The following BICC1 variants were observed in gnomAD, a reference collection of about 807,000 sequenced individuals.
The protein encoded by BICC1 is BicC family RNA binding protein 1.
In BICC1, 43 loss-of-function variants were observed where a neutral mutation model predicts 111.0. The observed-to-expected ratio is 0.39, with a 90% CI of 0.30 to 0.50. The LOEUF (loss-of-function observed/expected upper bound fraction) is 0.50, where lower values mean the gene tolerates loss of function less well. Ranked by LOEUF, BICC1 falls within the 20% of genes least tolerant of loss-of-function variation. The pLI is 0.88. For synonymous variants in BICC1, 467 were observed against 434.4 expected (o/e 1.07, Z -0.93); for missense variants, 1,091 against 1,203.2 (o/e 0.91, Z 1.38).
chr10:58,727,084 A>G (rs533721027), intron 3 of BICC1, among the ~76,000 whole-genome samples: 1 of 152,294 alleles, frequency 6.6e-6, no homozygotes, highest in South Asian at 2.1e-4. Flanking sequence ...TGTCTCACTA[A>G]TGTTAACATT....
Position 58,764,002 on chromosome 10 carries a change from G to A in BICC1, c.308-20999G>A, listed in dbSNP as rs537187730. Among the ~76,000 whole-genome samples the A allele has an allele frequency of 3.3e-5, 5 of 152,268 alleles. No homozygotes were observed. The South Asian group carries it at 8.3e-4, about 25-fold the overall frequency. On this transcript the variant is annotated intron_variant, in intron 3 of 20. Transcript: ENST00000373886. ...AATGAAGACTCACAGGCATGGAATTGCTATACATTTAGTGGTGTTTGGGGG... is the reference window on the plus strand; with the variant it reads ...AATGAAGACTCACAGGCATGGAATTACTATACATTTAGTGGTGTTTGGGGG...
intron 1 of BICC1, among the ~76,000 whole-genome samples, chr10:58,518,602 G>GGT (rs796241610): frequency 9.6e-6 from 1 of 104,152 alleles, no homozygotes; most frequent in African/African-American, 3.7e-5. Flanking sequence ...GGGGGGGGGG[G>GGT]GTGTGTTTGA....
intron 3 of BICC1, among the ~76,000 whole-genome samples, chr10:58,745,608 C>CT (rs1207998723): frequency 7.8e-6 from 1 of 128,750 alleles, no homozygotes; most frequent in East Asian, 2.8e-4. Context: ...CACCGCCCCC[C>CT]CCCCACATTT....
At chr10:58,601,801 C>T (rs1845048951) in intron 1 of BICC1, among the ~76,000 whole-genome samples, 1 of 151,778 alleles carries the variant, frequency 6.6e-6, no homozygotes, top group Admixed American at 6.6e-5. Flanking sequence ...TTTAAGTTAC[C>T]TGGGAAAATA....
chr10:58,675,356 G>A (rs1031732126), intron 2 of BICC1, among the ~76,000 whole-genome samples: 4 of 152,014 alleles, frequency 2.6e-5, no homozygotes, highest in African/African-American at 9.7e-5. Context: ...AGTGGGTTTT[G>A]GAATAGTTAA....
Position 58,831,128 on chromosome 10 carries a change from T to C in BICC1, c.*2237T>C, listed in dbSNP as rs1237684578. ...AAATAAAAACACTGGAAATTCTTTC[T>C]CTCACTTTCTCTTGATGCAATGAAG... On this transcript the variant is annotated 3_prime_UTR_variant, in exon 21 of 21. Coordinates refer to ENST00000373886, the MANE Select transcript of BICC1 (RefSeq NM_001080512.3). 6.6e-6 allele frequency: 1 copy of C among 152,218 alleles called. No homozygotes were observed. Among genetic ancestry groups the C allele is most frequent in the Non-Finnish European group, 1.5e-5 (1 of 68,028 alleles). 9.4% of individuals were successfully genotyped at this position (152,218 alleles called of 1,614,324 possible). A position where few individuals can be genotyped will look rare whatever the true frequency, so the allele number is the denominator to read the frequency against.
At chr10:58,693,189 C>T (rs1361741355) in intron 2 of BICC1, among the ~76,000 whole-genome samples, 4 of 152,164 alleles carry the variant, frequency 2.6e-5, no homozygotes, top group African/African-American at 7.2e-5. Context: ...AGGACGTGAA[C>T]TCATCATTTT....
intron 1 of BICC1, among the ~76,000 whole-genome samples, chr10:58,611,115 G>T (rs1845404047): frequency 6.6e-6 from 1 of 152,170 alleles, no homozygotes; most frequent in Admixed American, 6.6e-5. Flanking sequence ...CTTATACACT[G>T]TGGGCTGAAA....
chr10:58,828,413 A>T (rs760619635), intron 20 of BICC1, among the ~76,000 whole-genome samples: 33 of 152,194 alleles, frequency 2.2e-4, no homozygotes, highest in African/African-American at 7.7e-4. Context: ...TGACCTTTGG[A>T]GTAGGTCAAA....
intron 2 of BICC1, among the ~76,000 whole-genome samples, chr10:58,695,884 A>G (rs1001294614): frequency 6.6e-5 from 10 of 152,188 alleles, no homozygotes; most frequent in African/African-American, 2.2e-4. Flanking sequence ...TATTTTTATC[A>G]TGGATGAAAC....
rs561800448 is a variant in BICC1, at chr10:58,715,990, A to G, written c.307+13847A>G. On this transcript the variant is annotated intron_variant, in intron 3 of 20. Coordinates refer to ENST00000373886, the MANE Select transcript of BICC1 (RefSeq NM_001080512.3). Reference sequence around the variant, plus strand: ...TTCACATAAATCTTCTGAAAGCTCCATGTCAGAAACTGAATCAGACAGTAA... The same window carrying G: ...TTCACATAAATCTTCTGAAAGCTCCGTGTCAGAAACTGAATCAGACAGTAA... 96 of 1,402,254 alleles carry G rather than the reference A, an allele frequency of 6.8e-5. No homozygotes were observed. In the Admixed American group the frequency reaches 1.5e-3, roughly 21 times the overall value. The allele number at this position is 1,402,254 out of a possible 1,614,324, so 86.9% of individuals were successfully genotyped here. A position where few individuals can be genotyped will look rare whatever the true frequency, so the allele number is the denominator to read the frequency against.
At chr10:58,594,060 C>G (rs1246673535) in intron 1 of BICC1, among the ~76,000 whole-genome samples, 1 of 151,704 alleles carries the variant, frequency 6.6e-6, no homozygotes, top group Non-Finnish European at 1.5e-5. Context: ...AAACACAGCA[C>G]AAGAACTTCA....
intron 3 of BICC1, among the ~76,000 whole-genome samples, chr10:58,767,901 T>C (rs1161929687): frequency 6.6e-6 from 1 of 151,868 alleles, no homozygotes; most frequent in Non-Finnish European, 1.5e-5. Context: ...ATACAAAGCA[T>C]TTGAAATTAT....
chr10:58,825,914 T>C (rs1442736088), intron 20 of BICC1, among the ~76,000 whole-genome samples: 1 of 152,030 alleles, frequency 6.6e-6, no homozygotes, highest in Non-Finnish European at 1.5e-5. Flanking sequence ...TTGCTTGATA[T>C]GTACCACAGA....
intron 1 of BICC1, among the ~76,000 whole-genome samples, chr10:58,584,029 T>C (rs955295473): frequency 3.3e-5 from 5 of 150,240 alleles, no homozygotes; most frequent in Non-Finnish European, 5.9e-5. Flanking sequence ...AGTAGTTAAG[T>C]ATCTCTACTC....
intron 2 of BICC1, among the ~76,000 whole-genome samples, chr10:58,690,109 T>TG (rs1839867807): frequency 6.6e-6 from 1 of 152,164 alleles, no homozygotes. Context: ...CTCTGGGCTA[T>TG]CATACAGTGG....
At chr10:58,716,414 A>G (rs557257571) in intron 3 of BICC1, among the ~76,000 whole-genome samples, 2 of 152,316 alleles carry the variant, frequency 1.3e-5, no homozygotes, top group South Asian at 2.1e-4. Context: ...TTCCTGGACT[A>G]TTCAGTAGCC....
intron 1 of BICC1, among the ~76,000 whole-genome samples, chr10:58,618,323 G>A (rs757432946): frequency 3.3e-5 from 5 of 152,236 alleles, no homozygotes; most frequent in Non-Finnish European, 5.9e-5. Flanking sequence ...TCTGGAGTTT[G>A]GAGCGCATGT....
At chr10:58,520,395 G>A (rs1842357737) in intron 1 of BICC1, among the ~76,000 whole-genome samples, 1 of 152,122 alleles carries the variant, frequency 6.6e-6, no homozygotes, top group East Asian at 1.9e-4. Context: ...ATCTAGGGCA[G>A]TCTCCAGAGA....
Sources: gnomAD v4.1 joint callset for allele counts (sites outside exome capture counted in the v4.1 genomes callset) on GRCh38, gnomAD v4.1.1 for gene constraint, MANE v1.5 for transcripts, NCBI Gene and HGNC (gene_info 2026-07-23, HGNC 2026-07-21) for gene names.